Variants in CA5B observed in about 807,000 individuals in gnomAD.
The protein encoded by CA5B is carbonic anhydrase 5B, also known as carbonic anhydrase 5B, mitochondrial.
Under a neutral mutation model 23.1 loss-of-function variants are expected in CA5B, and 15 were observed. The ratio of observed to expected loss-of-function variants is 0.65; its 90% CI spans 0.43 to 1.00. The LOEUF is 1.00. Among genes scored for constraint, CA5B ranks in the 50% least tolerant of loss-of-function variants. The pLI is 0.00. For missense variants in CA5B, 236 were observed against 252.2 expected (o/e 0.94, Z 0.43); for synonymous variants, 84 against 98.5 (o/e 0.85, Z 0.87).
rs754954723 is a variant in CA5B, at chrX:15,783,955, T to G, written c.*1291T>G. On this transcript the variant is annotated 3_prime_UTR_variant, in exon 8 of 8. Coordinates refer to ENST00000318636, the MANE Select transcript of CA5B (RefSeq NM_007220.4). ...CAGGCTGGAGTGCAGTGGCACTATC[T>G]TGGCTCACTGCAACCTCCACCTCCC... 8.0e-5 allele frequency: 8 copies of G among 100,330 alleles called. No homozygotes were observed. In the East Asian group the frequency reaches 2.0e-3, roughly 25 times the overall value. 8.3% of individuals were successfully genotyped at this position (100,330 alleles called of 1,213,427 possible).
At chrX:15,740,725 C>G (rs1255973357) in intron 1 of CA5B, among the ~76,000 whole-genome samples, 1 of 112,257 alleles carries the variant, frequency 8.9e-6, no homozygotes, top group Non-Finnish European at 1.9e-5. Flanking sequence ...TCTCCTAGAC[C>G]TTTCCTCTCA....
chrX:15,739,450 GTTT>G (rs79951796), intron 1 of CA5B, among the ~76,000 whole-genome samples: 30 of 100,463 alleles, frequency 3.0e-4, no homozygotes, highest in Non-Finnish European at 2.4e-4. Flanking sequence ...TTTTACTGAG[GTTT>G]TTTTTTTTTT....
chrX:15,744,948 C>A (rs766516598), intron 1 of CA5B, among the ~76,000 whole-genome samples: 45 of 110,298 alleles, frequency 4.1e-4, no homozygotes, highest in African/African-American at 1.4e-3. Context: ...GTGGGCAGAT[C>A]ACCTGAGGTC....
rs751204543 is a variant in CA5B at position 15,776,752 on chromosome X, C to T, written c.657C>T (p.Cys219=). The T allele has an allele frequency of 8.3e-7, 1 of 1,209,303 alleles. No individual in the cohort carries two copies. The highest frequency in any genetic ancestry group is 3.0e-5 in the East Asian group (1 of 33,860). Residue 219 remains cysteine, a synonymous_variant, in exon 7 of 8, where the codon TGC becomes TGT. Transcript: ENST00000318636. ...AATTTGGGTCATTTGACCCTTCCTG[C>T]CTGATGCCTACCTGCCCAGATTACT... ...LVEFGSFDPS[C]LMPTCPDYWT...
intron 1 of CA5B, among the ~76,000 whole-genome samples, chrX:15,746,758 G>A (rs1409501289): frequency 3.6e-5 from 4 of 110,953 alleles, no homozygotes; most frequent in Non-Finnish European, 5.7e-5. Context: ...AATCATAGGG[G>A]GTTGAAGTGA....
At chrX:15,740,711 A>G (rs1487632550) in intron 1 of CA5B, among the ~76,000 whole-genome samples, 4 of 110,981 alleles carry the variant, frequency 3.6e-5, no homozygotes, top group Admixed American at 9.5e-5. Flanking sequence ...TGTGTTGCCA[A>G]CTCTCTCCTA....
rs1168260240 is a variant in CA5B, at chrX:15,782,726, G to A, written c.*62G>A. ...AATATATACTAGCTTACTATAAATT[G>A]TTAACTAGACTATTCTAAGTGCCTG... On this transcript the variant is annotated 3_prime_UTR_variant, in exon 8 of 8. Coordinates refer to ENST00000318636, the MANE Select transcript of CA5B (RefSeq NM_007220.4). 2.3e-6 allele frequency: 2 copies of A among 867,422 alleles called. No homozygotes were observed. Among genetic ancestry groups the A allele is most frequent in the Admixed American group, 3.2e-5 (1 of 30,840 alleles). The allele number at this position is 867,422 out of a possible 1,213,427, so 71.5% of individuals were successfully genotyped here. A position where few individuals can be genotyped will look rare whatever the true frequency, so the allele number is the denominator to read the frequency against.
At chrX:15,769,991 A>G (rs748218726) in intron 3 of CA5B, among the ~76,000 whole-genome samples, 2 of 112,067 alleles carry the variant, frequency 1.8e-5, no homozygotes, top group East Asian at 5.6e-4. Context: ...TTAGAAGTTT[A>G]ATCCTTTCTC....
At chrX:15,756,808 A>G (rs2147259221) in intron 2 of CA5B, among the ~76,000 whole-genome samples, 1 of 111,819 alleles carries the variant, frequency 8.9e-6, no homozygotes, top group Admixed American at 9.5e-5. Context: ...TAATCCCAGC[A>G]CTTTGGGAGG....
Position 15,771,632 on chromosome X carries a change from T to A in CA5B, c.341-864T>A, listed in dbSNP as rs1235012802. ...TTTTAATTTTTAGTAGACATGGGGTTTCACCATGTTGGCCAGGCTGATCTC... is the reference window on the plus strand; with the variant it reads ...TTTTAATTTTTAGTAGACATGGGGTATCACCATGTTGGCCAGGCTGATCTC... On this transcript the variant is annotated intron_variant, in intron 3 of 7. Coordinates refer to ENST00000318636, the MANE Select transcript of CA5B (RefSeq NM_007220.4). Among the ~76,000 whole-genome samples the A allele has an allele frequency of 6.5e-5, 7 of 107,166 alleles. No homozygotes were observed. In the South Asian group the frequency reaches 2.1e-3, roughly 32 times the overall value. 93.1% of individuals were successfully genotyped at this position (107,166 alleles called of 115,157 possible).
intron 4 of CA5B, among the ~76,000 whole-genome samples, chrX:15,773,510 C>CA (rs1308139932): frequency 9.5e-6 from 1 of 105,405 alleles, no homozygotes; most frequent in Non-Finnish European, 1.9e-5. Flanking sequence ...CCCGGGTTCA[C>CA]ACCATTCTCC....
At position 15,782,627 on chromosome X, in the gene CA5B, C is replaced by T; in HGVS notation, c.917C>T (p.Ala306Val). Residue 306 changes from alanine (A) to valine (V), a missense_variant, in exon 8 of 8, where the codon GCG becomes GTG. Coordinates refer to ENST00000318636, the MANE Select transcript of CA5B (RefSeq NM_007220.4). Reference protein sequence around the residue: ...FRHDYVLNVQAKPKPATSQAT... With the variant: ...FRHDYVLNVQVKPKPATSQAT... ...CATGATTATGTGCTGAATGTACAAGCGAAACCCAAGCCGGCCACCAGCCAA... is the reference window on the plus strand; with the variant it reads ...CATGATTATGTGCTGAATGTACAAGTGAAACCCAAGCCGGCCACCAGCCAA... The T allele has an allele frequency of 3.3e-6, 4 of 1,199,625 alleles. No homozygotes were observed. The highest frequency in any genetic ancestry group is 2.3e-5 in the Admixed American group (1 of 43,997).
Position 15,786,659 on chromosome X carries a change from ATTG to A in CA5B, c.*3998_*4000del, listed in dbSNP as rs1932123131. ...GTGGTTGGTGAAAGACTTCCTTCCT[ATTG>A]TTACAGTATATGTATATATCTGTAA... On this transcript the variant is annotated 3_prime_UTR_variant, in exon 8 of 8. Transcript: ENST00000318636. 1 of 107,520 alleles carries A rather than the reference ATTG, an allele frequency of 9.3e-6. No homozygotes were observed. The highest frequency in any genetic ancestry group is 1.9e-5 in the Non-Finnish European group (1 of 51,877). The allele number at this position is 107,520 out of a possible 1,213,427, so 8.9% of individuals were successfully genotyped here.
chrX:15,749,831 C>T, intron 1 of CA5B, 140 bp from the exon 2 acceptor site: 1 of 431,668 alleles, frequency 2.3e-6, no homozygotes. Flanking sequence ...AGTGGATAAA[C>T]CGTTGACTCT....
At chrX:15,781,205 G>A (rs1212895027) in intron 7 of CA5B, among the ~76,000 whole-genome samples, 1 of 110,481 alleles carries the variant, frequency 9.1e-6, no homozygotes, top group South Asian at 3.8e-4. Flanking sequence ...TCGAACTTCT[G>A]ACCTCAGGTG....
At chrX:15,768,229 G>T (rs768637082) in intron 3 of CA5B, among the ~76,000 whole-genome samples, 1 of 110,070 alleles carries the variant, frequency 9.1e-6, no homozygotes, top group Non-Finnish European at 1.9e-5. Context: ...GTAGAGATGG[G>T]GTTCCTGAGA....
intron 2 of CA5B, among the ~76,000 whole-genome samples, chrX:15,758,401 C>T (rs1931536659): frequency 8.9e-6 from 1 of 112,596 alleles, no homozygotes; most frequent in African/African-American, 3.2e-5. Flanking sequence ...TTCATGAGAG[C>T]TCTGCCTTCG....
intron 7 of CA5B, among the ~76,000 whole-genome samples, chrX:15,780,276 C>CGTTTTT (rs200239908): frequency 2.3e-5 from 2 of 86,651 alleles, no homozygotes; most frequent in Non-Finnish European, 4.5e-5. Context: ...ATGCCTGGAA[C>CGTTTTT]ATTTTTTTTT....
chrX:15,753,763 G>A (rs1423597156), intron 2 of CA5B, among the ~76,000 whole-genome samples: 2 of 111,655 alleles, frequency 1.8e-5, no homozygotes, highest in African/African-American at 6.5e-5. Context: ...ACAAAAATTA[G>A]CCAGGTGTGG....
Sources: allele counts gnomAD v4.1 joint callset (sites outside exome capture counted in the v4.1 genomes callset), GRCh38; gene constraint gnomAD v4.1.1; transcripts MANE v1.5; gene names NCBI Gene and HGNC (gene_info 2026-07-23, HGNC 2026-07-21).